Variants in CEP97 observed in about 807,000 individuals in gnomAD.
The protein encoded by CEP97 is centrosomal protein of 97 kDa.
In CEP97, 43 loss-of-function variants were observed where a neutral mutation model predicts 73.1. The ratio of observed to expected loss-of-function variants is 0.59; its 90% CI spans 0.46 to 0.76. CEP97 has a LOEUF of 0.76. Ranked by LOEUF, CEP97 falls within the 30% of genes least tolerant of loss-of-function variation. The probability of loss-of-function intolerance (pLI) is 0.00; values close to 1 mark genes in which losing one functional copy is unlikely to be tolerated. For synonymous variants in CEP97, 337 were observed against 370.0 expected (o/e 0.91, Z 1.02); for missense variants, 939 against 1,014.0 (o/e 0.93, Z 1.00).
At chr3:101,725,432 C>G (rs904607389) in intron 1 of CEP97, among the ~76,000 whole-genome samples, 4 of 152,104 alleles carry the variant, frequency 2.6e-5, no homozygotes, top group Non-Finnish European at 5.9e-5. Flanking sequence ...GCCCAGGGGT[C>G]GAGGCCCGTC....
chr3:101,742,538 A>G (rs1938488796), intron 6 of CEP97, among the ~76,000 whole-genome samples: 1 of 152,116 alleles, frequency 6.6e-6, no homozygotes, highest in African/African-American at 2.4e-5. Context: ...GAGTTGAACA[A>G]TGAGAACACA....
chr3:101,745,436 T>A (rs1576686888), intron 6 of CEP97, among the ~76,000 whole-genome samples: 2 of 152,094 alleles, frequency 1.3e-5, no homozygotes, highest in South Asian at 4.1e-4. Flanking sequence ...CCTCATTTTT[T>A]AAACTTTTTT....
intron 3 of CEP97, 141 bp from the exon 4 acceptor site, chr3:101,728,695 C>T: frequency 1.6e-6 from 1 of 623,330 alleles, no homozygotes; most frequent in Non-Finnish European, 2.8e-6. Context: ...TAGTACTGCC[C>T]CTTTTCTCTT....
chr3:101,747,764 C>G (rs1482588867), intron 6 of CEP97, among the ~76,000 whole-genome samples: 1 of 149,190 alleles, frequency 6.7e-6, no homozygotes, highest in African/African-American at 2.5e-5. Flanking sequence ...GTTGTTACTT[C>G]TCTTGTTTTA....
At position 101,758,397 on chromosome 3, in the gene CEP97, T is replaced by A. The variant is rs1201453693; in HGVS notation, c.1791T>A (p.Ile597=). Reference sequence around the variant, plus strand: ...GGCTACGCAGAATGCAAGAGCACATTGTCTGCTTAACTGATGAAATAAGGA... The same window carrying A: ...GGCTACGCAGAATGCAAGAGCACATAGTCTGCTTAACTGATGAAATAAGGA... The part of the protein sequence containing the change: ...EIRLRRMQEH[I]VCLTDEIRRL... Residue 597 remains isoleucine, a synonymous_variant, in exon 9 of 11, where the codon ATT becomes ATA. Coordinates refer to ENST00000341893, the MANE Select transcript of CEP97 (RefSeq NM_024548.4). 1 of 1,614,154 alleles carries A rather than the reference T, an allele frequency of 6.2e-7. No individual in the cohort carries two copies. The highest frequency in any genetic ancestry group is 1.1e-5 in the South Asian group (1 of 91,086).
At chr3:101,741,928 G>C (rs1331242203) in intron 6 of CEP97, among the ~76,000 whole-genome samples, 5 of 152,024 alleles carry the variant, frequency 3.3e-5, no homozygotes, top group Non-Finnish European at 5.9e-5. Flanking sequence ...TGTAATCCCA[G>C]CTACTCAGGG....
intron 6 of CEP97, among the ~76,000 whole-genome samples, chr3:101,753,890 C>T (rs141052745): frequency 0.011 from 1,650 of 152,292 alleles, 28 homozygotes; most frequent in African/African-American, 0.038. Flanking sequence ...CTTCGGCTTG[C>T]GCACGGTGCG....
At chr3:101,750,786 A>G (rs943963338) in intron 6 of CEP97, among the ~76,000 whole-genome samples, 1 of 151,836 alleles carries the variant, frequency 6.6e-6, no homozygotes, top group East Asian at 1.9e-4. Flanking sequence ...TATTGTGTCT[A>G]TTTGATTCTT....
rs1230931790 is a variant in CEP97 at position 101,769,376 on chromosome 3, G to A, written c.*3825G>A. Reference sequence around the variant, plus strand: ...GAGTTTCACTGTTGTCACCCAGGCTGGTCTCAGCTCACTGCAACCTCCACT... The same window carrying A: ...GAGTTTCACTGTTGTCACCCAGGCTAGTCTCAGCTCACTGCAACCTCCACT... On this transcript the variant is annotated 3_prime_UTR_variant, in exon 11 of 11. Transcript: ENST00000341893. The A allele has an allele frequency of 2.0e-5, 3 of 147,348 alleles. No individual in the cohort carries two copies. Among genetic ancestry groups the A allele is most frequent in the Non-Finnish European group, 4.5e-5 (3 of 67,300 alleles). 9.1% of individuals were successfully genotyped at this position (147,348 alleles called of 1,614,324 possible).
chr3:101,727,579 G>T (rs761216809), intron 3 of CEP97, 38 bp downstream of exon 3: 7 of 1,526,848 alleles, frequency 4.6e-6, no homozygotes, highest in Admixed American at 2.1e-5. Flanking sequence ...ACTATTCTGC[G>T]TAAAAAAAAT....
At position 101,764,902 on chromosome 3, in the gene CEP97, A is replaced by T. The variant is rs1404906097; in HGVS notation, c.1949A>T (p.His650Leu). The T allele has an allele frequency of 6.2e-7, 1 of 1,614,078 alleles. No homozygotes were observed. Among genetic ancestry groups the T allele is most frequent in the South Asian group, 1.1e-5 (1 of 91,044 alleles). Residue 650 changes from histidine (H) to leucine (L), a missense_variant, in exon 11 of 11, where the codon CAT becomes CTT. Physicochemically the swap from His to Leu is moderately conservative, Grantham distance 99. Transcript: ENST00000341893. ...QTVDQRLSSWHTDVPPISSTL... is the reference protein window; with the variant it reads ...QTVDQRLSSWLTDVPPISSTL... ...GTGGACCAGCGTCTAAGTTCCTGGC[A>T]TACTGATGTTCCTCCTATATCAAGT...
intron 4 of CEP97, among the ~76,000 whole-genome samples, chr3:101,729,446 G>A (rs1938022923): frequency 6.6e-6 from 1 of 152,098 alleles, no homozygotes. Flanking sequence ...TTGTAGTTAA[G>A]GTTAATTTTA....
At chr3:101,739,448 C>A (rs1938376745) in intron 6 of CEP97, among the ~76,000 whole-genome samples, 1 of 152,154 alleles carries the variant, frequency 6.6e-6, no homozygotes, top group Non-Finnish European at 1.5e-5. Flanking sequence ...CCGAATCCAG[C>A]AGCACATCAA....
chr3:101,737,920 T>G (rs1378218669), intron 6 of CEP97, among the ~76,000 whole-genome samples: 2 of 150,532 alleles, frequency 1.3e-5, no homozygotes, highest in Admixed American at 6.7e-5. Flanking sequence ...TCAAGAACCA[T>G]TGGTGTGCTG....
intron 6 of CEP97, among the ~76,000 whole-genome samples, chr3:101,741,049 CAG>C (rs144901783): frequency 0.049 from 7,446 of 152,254 alleles, 641 homozygotes; most frequent in African/African-American, 0.17. Flanking sequence ...GTAACCAAAA[CAG>C]TGTAGTACTG....
At chr3:101,762,979 A>G in intron 10 of CEP97, 1 of 853,594 alleles carries the variant, frequency 1.2e-6, no homozygotes, top group South Asian at 2.0e-5. Context: ...GAGTATTTGA[A>G]TCCTATAATA....
Position 101,724,714 on chromosome 3 carries a change from G to C in CEP97, c.38G>C (p.Gly13Ala), listed in dbSNP as rs748809597. 6.2e-7 allele frequency: 1 copy of C among 1,614,226 alleles called. No homozygotes were observed. Among genetic ancestry groups the C allele is most frequent in the Non-Finnish European group, 8.5e-7 (1 of 1,180,026 alleles). The change falls in exon 1 of 11, where the codon GGA becomes GCA. Residue 13 changes from glycine to alanine, a missense_variant. Transcript: ENST00000341893. ...CGCGTGGACGCGGCTTTGCCTCCCG[G>C]AGAAGGTAAGGCGATCCCTACCCCG... ...VARVDAALPP[G>A]EGSVVNWSGQ...
intron 6 of CEP97, among the ~76,000 whole-genome samples, chr3:101,744,837 A>C (rs992982537): frequency 2.6e-5 from 4 of 152,220 alleles, no homozygotes; most frequent in African/African-American, 9.6e-5. Context: ...CCTGAAGGAC[A>C]GGAAGGAATT....
At chr3:101,727,315 A>G in intron 2 of CEP97, 68 bp from the exon 3 acceptor site, 1 of 1,347,212 alleles carries the variant, frequency 7.4e-7, no homozygotes, top group Non-Finnish European at 1.0e-6. Context: ...AAACCTTTTA[A>G]ATCACTTTAA....
Sources: allele counts gnomAD v4.1 joint callset (sites outside exome capture counted in the v4.1 genomes callset), GRCh38; gene constraint gnomAD v4.1.1; transcripts MANE v1.5; gene names NCBI Gene and HGNC (gene_info 2026-07-23, HGNC 2026-07-21).